EMSY: variants seen among roughly 807,000 people sequenced by gnomAD.
EMSY encodes BRCA2-interacting transcriptional repressor EMSY.
In EMSY, 26 loss-of-function variants were observed where a neutral mutation model predicts 134.6. The observed-to-expected ratio is 0.19, with a 90% confidence interval of 0.14 to 0.27. The LOEUF is 0.27. Ranked by LOEUF, EMSY falls within the 10% of genes least tolerant of loss-of-function variation. EMSY has a pLI of 1.00. For missense variants in EMSY, 1,305 were observed against 1,611.4 expected (o/e 0.81, Z 3.26); for synonymous variants, 579 against 577.8 (o/e 1.00, Z -0.03).
At chr11:76,539,540 A>G (rs1951352755) in intron 16 of EMSY, 59 bp from the exon 18 acceptor site, 1 of 1,557,926 alleles carries the variant, frequency 6.4e-7, no homozygotes, top group African/African-American at 1.4e-5. Flanking sequence ...GGTAGACTAG[A>G]TTCTTGCATG....
chr11:76,515,948 A>G (rs953934878), intron 10 of EMSY, among the ~76,000 whole-genome samples, 194 bp from the exon 12 acceptor site: 1 of 152,204 alleles, frequency 6.6e-6, no homozygotes, highest in African/African-American at 2.4e-5. Flanking sequence ...ATTAATTTAA[A>G]TTGACTTGGC....
chr11:76,450,292 C>T (rs1359159439), intron 2 of EMSY, among the ~76,000 whole-genome samples: 4 of 152,112 alleles, frequency 2.6e-5, no homozygotes, highest in Admixed American at 6.6e-5. Context: ...ATCCCTAATG[C>T]TTTTTCTGGA....
chr11:76,489,576 A>G (rs1329226645), intron 8 of EMSY, among the ~76,000 whole-genome samples: 1 of 148,166 alleles, frequency 6.7e-6, no homozygotes, highest in Non-Finnish European at 1.5e-5. Flanking sequence ...AGCCACTCCA[A>G]CTTTCTTATG....
At chr11:76,489,315 CTT>C (rs57048007) in intron 8 of EMSY, among the ~76,000 whole-genome samples, 69 of 128,082 alleles carry the variant, frequency 5.4e-4, no homozygotes, top group Non-Finnish European at 5.7e-4. Flanking sequence ...TTCTTGTTTT[CTT>C]TTTTTTTTTT....
chr11:76,523,704 CTTTTTTTTTT>C (rs746491659), intron 12 of EMSY, among the ~76,000 whole-genome samples: 1 of 80,536 alleles, frequency 1.2e-5, no homozygotes, highest in Non-Finnish European at 2.3e-5. Context: ...TTGTTACTTT[CTTTTTTTTTT>C]TTTTTTTTTT....
intron 13 of EMSY, 34 bp from the exon 15 acceptor site, chr11:76,528,234 A>G: frequency 6.4e-7 from 1 of 1,571,642 alleles, no homozygotes; most frequent in Non-Finnish European, 8.7e-7. Flanking sequence ...GTTTTCTAAA[A>G]TTTTATCTCA....
chr11:76,453,433 T>C (rs984424431), intron 4 of EMSY, 45 bp downstream of exon 4: 4 of 1,551,264 alleles, frequency 2.6e-6, no homozygotes, highest in Non-Finnish European at 3.5e-6. Context: ...TGACATAGTA[T>C]AACACAGTTT....
At chr11:76,542,099 C>A in intron 17 of EMSY, 117 bp from the exon 19 acceptor site, 1 of 1,346,074 alleles carries the variant, frequency 7.4e-7, no homozygotes. Flanking sequence ...CCTCCTAGTT[C>A]ACAATACTAC....
intron 11 of EMSY, 129 bp from the exon 13 acceptor site, chr11:76,523,026 A>G: frequency 1.0e-5 from 9 of 894,362 alleles, no homozygotes; most frequent in Non-Finnish European, 1.5e-5. Context: ...CATTTTCATC[A>G]TCTTGACAGC....
chr11:76,549,887 T>A, intron 20 of EMSY, 65 bp from the exon 22 acceptor site: 1 of 1,316,338 alleles, frequency 7.6e-7, no homozygotes, highest in Non-Finnish European at 1.0e-6. Flanking sequence ...TTTCTTGATA[T>A]TGTTGGGGAA....
intron 9 of EMSY, among the ~76,000 whole-genome samples, chr11:76,503,233 G>A (rs1201571949): frequency 2.7e-5 from 4 of 150,250 alleles, no homozygotes; most frequent in Admixed American, 6.6e-5. Context: ...CCTGAGAGGC[G>A]GAGGTTGCAG....
chr11:76,549,777 G>A (rs186968816), intron 20 of EMSY, among the ~76,000 whole-genome samples, 175 bp from the exon 22 acceptor site: 2 of 152,100 alleles, frequency 1.3e-5, no homozygotes, highest in Non-Finnish European at 2.9e-5. Context: ...AGAATATGAT[G>A]GGATTTAGTA....
At chr11:76,520,765 A>G (rs887491466) in intron 11 of EMSY, among the ~76,000 whole-genome samples, 2 of 151,612 alleles carry the variant, frequency 1.3e-5, no homozygotes, top group Non-Finnish European at 2.9e-5. Context: ...GTAACTTTGT[A>G]TACACTAAGT....
At chr11:76,495,322 GT>G (rs898990822) in intron 8 of EMSY, among the ~76,000 whole-genome samples, 1 of 152,182 alleles carries the variant, frequency 6.6e-6, no homozygotes, top group African/African-American at 2.4e-5. Context: ...TAGGCTATTA[GT>G]TTCTTTTTAT....
chr11:76,476,851 AC>A (rs1221057476), intron 8 of EMSY, among the ~76,000 whole-genome samples: 2 of 152,150 alleles, frequency 1.3e-5, no homozygotes, highest in African/African-American at 4.8e-5. Context: ...GGTGGTCATT[AC>A]TACTGTATTG....
At chr11:76,542,667 T>C (rs1260325899) in intron 18 of EMSY, among the ~76,000 whole-genome samples, 2 of 152,136 alleles carry the variant, frequency 1.3e-5, no homozygotes. Context: ...GAATGTATCA[T>C]TGAGGTAAAT....
intron 8 of EMSY, among the ~76,000 whole-genome samples, chr11:76,483,891 A>C (rs370101752): frequency 6.6e-6 from 1 of 152,184 alleles, no homozygotes; most frequent in Non-Finnish European, 1.5e-5. Flanking sequence ...GCCTTGGACC[A>C]AGTGGACCTA....
intron 16 of EMSY, 69 bp from the exon 18 acceptor site, chr11:76,539,530 G>T: frequency 6.7e-7 from 1 of 1,487,636 alleles, no homozygotes; most frequent in South Asian, 1.1e-5. Flanking sequence ...AACCTCTGGG[G>T]GTAGACTAGA....
chr11:76,539,778 T>A, intron 17 of EMSY, 138 bp downstream of exon 18: 1 of 840,022 alleles, frequency 1.2e-6, no homozygotes, highest in Non-Finnish European at 2.0e-6. Flanking sequence ...AAGAGAGATT[T>A]TTCTTTTGTA....
Sources: allele counts gnomAD v4.1 joint callset (sites outside exome capture counted in the v4.1 genomes callset), GRCh38; gene constraint gnomAD v4.1.1; transcripts MANE v1.5; gene names NCBI Gene and HGNC (gene_info 2026-07-23, HGNC 2026-07-21).